The following PCDHA1 variants were observed in gnomAD, a reference collection of about 807,000 sequenced individuals.
PCDHA1 encodes protocadherin alpha 1, also known as protocadherin alpha-1.
A neutral mutation model predicts 61.3 loss-of-function variants in PCDHA1; 42 were observed. The observed-to-expected ratio is 0.69, with a 90% confidence interval of 0.54 to 0.89. The LOEUF (loss-of-function observed/expected upper bound fraction) is 0.89, where lower values mean the gene tolerates loss of function less well. PCDHA1 is among the 40% of genes least tolerant of loss of function. The pLI is 0.00. For synonymous variants in PCDHA1, 610 were observed against 553.8 expected, an observed-to-expected ratio of 1.10 and a Z score of -1.43; for missense variants, 1,256 against 1,235.3, an observed-to-expected ratio of 1.02 and a Z score of -0.25.
rs1193059751 is a variant in PCDHA1 at position 140,857,644 on chromosome 5, C to G, written c.2394+68960C>G. ...ACGAGGAGCTGGAGCTGCTACAGTT[C>G]CAGGTGAGCGCGCGCGATGGGGGCG... On this transcript the variant is annotated intron_variant, in intron 1 of 3. Coordinates refer to ENST00000504120, the MANE Select transcript of PCDHA1 (RefSeq NM_018900.4). 9 of 1,596,322 alleles carry G rather than the reference C, an allele frequency of 5.6e-6. 1 individual carries two copies. Among genetic ancestry groups the G allele is most frequent in the Non-Finnish European group, 7.7e-6 (9 of 1,167,662 alleles).
intron 1 of PCDHA1, chr5:140,842,218 G>C (rs1554138887): frequency 2.5e-6 from 4 of 1,613,154 alleles, no homozygotes; most frequent in Admixed American, 1.7e-5. Context: ...ATCGAAATAC[G>C]GGAGAAATAG....
Position 140,967,283 on chromosome 5 carries a change from C to G in PCDHA1, c.2395-11666C>G, listed in dbSNP as rs782468433. The G allele has an allele frequency of 1.7e-5, 27 of 1,613,040 alleles. No homozygotes were observed. The Admixed American group carries it at 3.7e-4, about 22-fold the overall frequency. ...AGCGCGCTTTCACATAGAGAGTGCG[C>G]AGGACCCCGACGTGGGCGCCAACTC... On this transcript the variant is annotated intron_variant, in intron 1 of 3. Transcript: ENST00000504120.
chr5:140,982,827 T>G (rs2097010165), intron 3 of PCDHA1, among the ~76,000 whole-genome samples: 1 of 140,992 alleles, frequency 7.1e-6, no homozygotes, highest in Non-Finnish European at 1.6e-5. Flanking sequence ...TTTTTGGGGT[T>G]TGTTTGTTTG....
chr5:140,787,700 G>A lies in PCDHA1; in HGVS notation c.1410G>A (p.Pro470=), dbSNP rs782183802. 24 of 1,613,810 alleles carry A rather than the reference G, an allele frequency of 1.5e-5. No homozygotes were observed. The highest frequency in any genetic ancestry group is 1.2e-4 in the South Asian group (11 of 91,084). The change falls in exon 1 of 4, where the codon CCG becomes CCA. Residue 470 remains proline, a synonymous_variant. Transcript: ENST00000504120. ...TATTCGTGAAGGAGAACAACCCGCC[G>A]GGCTGCCACATCTTCACGGTGTCTG... ...YTVFVKENNP[P]GCHIFTVSAR...
At chr5:140,950,195 C>A (rs186601471) in intron 1 of PCDHA1, among the ~76,000 whole-genome samples, 1 of 152,028 alleles carries the variant, frequency 6.6e-6, no homozygotes, top group Non-Finnish European at 1.5e-5. Context: ...AAAAAATAGT[C>A]ATTTCTGTTT....
chr5:140,800,810 T>C (rs868969660), intron 1 of PCDHA1, among the ~76,000 whole-genome samples: 2 of 152,224 alleles, frequency 1.3e-5, no homozygotes, highest in Admixed American at 6.5e-5. Context: ...AATATTTTAG[T>C]GTATGTCATG....
At chr5:140,830,288 A>T in intron 1 of PCDHA1, 1 of 1,613,814 alleles carries the variant, frequency 6.2e-7, no homozygotes, top group Non-Finnish European at 8.5e-7. Flanking sequence ...GGGCGCGTGC[A>T]CGGCGGACAA....
Position 140,842,156 on chromosome 5 carries a change from T to G in PCDHA1, c.2394+53472T>G, listed in dbSNP as rs2150330678. 3.3e-5 allele frequency: 54 copies of G among 1,613,784 alleles called. 1 individual carries two copies. The South Asian group carries it at 5.9e-4, about 18-fold the overall frequency. ...TGAAGGAGCCAATGGGGCAATTTCA[T>G]ATTCTTTTAATAGCCTTGTTGAAAC... On this transcript the variant is annotated intron_variant, in intron 1 of 3. Coordinates refer to ENST00000504120, the MANE Select transcript of PCDHA1 (RefSeq NM_018900.4).
intron 1 of PCDHA1, among the ~76,000 whole-genome samples, chr5:140,962,147 T>C (rs2095660496): frequency 1.3e-5 from 2 of 152,176 alleles, no homozygotes; most frequent in South Asian, 4.1e-4. Context: ...AGTGCTGGGA[T>C]TACAGGCGTG....
At chr5:141,002,097 G>A (rs782083569) in intron 3 of PCDHA1, among the ~76,000 whole-genome samples, 3 of 152,230 alleles carry the variant, frequency 2.0e-5, no homozygotes, top group Non-Finnish European at 4.4e-5. Flanking sequence ...TCCAGGGGCT[G>A]GGCCGGAAAC....
chr5:140,948,461 A>G (rs2094256529), intron 1 of PCDHA1, among the ~76,000 whole-genome samples: 1 of 151,516 alleles, frequency 6.6e-6, no homozygotes, highest in Admixed American at 6.6e-5. Flanking sequence ...TCTTTTAGGG[A>G]AAGTTTCTGA....
At chr5:140,815,530 T>C (rs1166170881) in intron 1 of PCDHA1, 1 of 102,342 alleles carries the variant, frequency 9.8e-6, no homozygotes, top group Non-Finnish European at 2.0e-5. Context: ...TTATATTGTG[T>C]ATACATTATT....
chr5:140,897,368 GTTCCC>G (rs533733561), intron 1 of PCDHA1, among the ~76,000 whole-genome samples: 1,322 of 125,926 alleles, frequency 0.01, 14 homozygotes, highest in African/African-American at 0.03. Flanking sequence ...AGAGTGTGAT[GTTCCC>G]TTCCCCTTCC....
chr5:140,962,248 A>G (rs782618740), intron 1 of PCDHA1, among the ~76,000 whole-genome samples: 5 of 152,182 alleles, frequency 3.3e-5, no homozygotes, highest in Non-Finnish European at 5.9e-5. Context: ...ATTTTCTTCA[A>G]TGAAAAATAA....
At chr5:140,810,169 G>A (rs1161211119) in intron 1 of PCDHA1, 1 of 152,360 alleles carries the variant, frequency 6.6e-6, no homozygotes, top group East Asian at 1.9e-4. Context: ...GTTGTTATAT[G>A]TAGTTGTAGT....
chr5:140,985,533 G>T (rs2097156708), intron 3 of PCDHA1, among the ~76,000 whole-genome samples: 1 of 152,082 alleles, frequency 6.6e-6, no homozygotes, highest in Admixed American at 6.6e-5. Context: ...AAGCTTCACG[G>T]TGAAGATGCA....
At chr5:140,911,474 C>T (rs782702993) in intron 1 of PCDHA1, among the ~76,000 whole-genome samples, 45 of 152,144 alleles carry the variant, frequency 3.0e-4, no homozygotes, top group Non-Finnish European at 2.8e-4. Flanking sequence ...ATAAGACTCT[C>T]ACTCAGGGCA....
chr5:140,904,940 A>G (rs368833420), intron 1 of PCDHA1, among the ~76,000 whole-genome samples: 1 of 152,136 alleles, frequency 6.6e-6, no homozygotes, highest in African/African-American at 2.4e-5. Context: ...TCTGGATATT[A>G]GTCCTTTGTC....
chr5:140,928,155 C>T, intron 1 of PCDHA1: 2 of 1,614,178 alleles, frequency 1.2e-6, no homozygotes, highest in Non-Finnish European at 1.7e-6. Flanking sequence ...CAGATAGTGG[C>T]TCACCCCCAC....
Sources: gnomAD v4.1 joint callset for allele counts (sites outside exome capture counted in the v4.1 genomes callset) on GRCh38, gnomAD v4.1.1 for gene constraint, MANE v1.5 for transcripts, NCBI Gene and HGNC (gene_info 2026-07-23, HGNC 2026-07-21) for gene names.